Variants in HERC2 observed in about 807,000 individuals in gnomAD.
HERC2 encodes HECT and RLD domain containing E3 ubiquitin protein ligase 2.
HERC2 carries 102 observed loss-of-function variants against 537.7 expected under a neutral mutation model. That is an observed-to-expected ratio of 0.19 (90% confidence interval 0.16 to 0.22). The LOEUF (loss-of-function observed/expected upper bound fraction) is 0.22, where lower values mean the gene tolerates loss of function less well. Ranked by LOEUF, HERC2 falls within the 10% of genes least tolerant of loss-of-function variation. The pLI, the probability that HERC2 is intolerant of heterozygous loss-of-function variation, is 1.00. For synonymous variants in HERC2, 2,224 were observed against 2,466.2 expected, an observed-to-expected ratio of 0.90 and a Z score of 2.91; for missense variants, 4,236 against 6,198.2, an observed-to-expected ratio of 0.68 and a Z score of 10.63.
At chr15:28,189,588 T>C (rs1896638868) in intron 55 of HERC2, among the ~76,000 whole-genome samples, 1 of 152,216 alleles carries the variant, frequency 6.6e-6, no homozygotes, top group African/African-American at 2.4e-5. Context: ...TATTATGAAA[T>C]AGTTCCATGA....
At chr15:28,239,671 A>G (rs1902851298) in intron 23 of HERC2, among the ~76,000 whole-genome samples, 1 of 147,196 alleles carries the variant, frequency 6.8e-6, no homozygotes, top group Admixed American at 6.9e-5. Flanking sequence ...CACCGCCCCA[A>G]CGAGACTGAA....
rs976986017 is a variant in HERC2 at position 28,268,644 on chromosome 15, T to C, written c.1447-28A>G. 4.4e-6 allele frequency: 7 copies of C among 1,596,906 alleles called. No homozygotes were observed. The African/African-American group carries it at 5.4e-5, about 12-fold the overall frequency. On this transcript the variant is annotated intron_variant, in intron 11 of 92. Transcript: ENST00000261609. This position sits in a 1 kb window ranked among gnomAD's most constrained non-coding sequence, Gnocchi z 4.7. ...AAAGAAGGAAAAATACGAAGAAAAG[T>C]AGTCATCAGTCCAAGGAAAATGAAA...
chr15:28,311,084 A>AAC (rs2076931530), intron 2 of HERC2, among the ~76,000 whole-genome samples: 1 of 147,394 alleles, frequency 6.8e-6, no homozygotes, highest in Non-Finnish European at 1.5e-5. Flanking sequence ...CTCAAAAAAA[A>AAC]AAAAAAAAAA....
At chr15:28,238,320 G>T (rs1338967230) in intron 24 of HERC2, 103 bp from the exon 25 acceptor site, 3 of 937,878 alleles carry the variant, frequency 3.2e-6, no homozygotes, top group African/African-American at 1.6e-5. Context: ...TAACTCAAAA[G>T]TGAGGGTTAC....
rs533563728 is a variant in HERC2 at position 28,177,795 on chromosome 15, C to T, written c.9164-286G>A. Among the ~76,000 whole-genome samples the T allele has an allele frequency of 5.3e-5, 8 of 151,954 alleles. No homozygotes were observed. The East Asian group carries it at 9.6e-4, about 18-fold the overall frequency. ...TGGGGTTCCTATTATGTTAAATACA[C>T]GAAAAATCAAAATTTAGATGAAAAA... On this transcript the variant is annotated intron_variant, in intron 59 of 92. Transcript: ENST00000261609. The surrounding 1 kb of genome is among the most constrained non-coding windows in gnomAD (Gnocchi z 5.0).
In HERC2 at chr15:28,259,162, C is replaced by T. The variant is rs1343772213; in HGVS notation, c.2316+1615G>A. Among the ~76,000 whole-genome samples, 3 of 152,100 alleles carry T rather than the reference C, an allele frequency of 2.0e-5. No homozygotes were observed. In the South Asian group the frequency reaches 6.2e-4, roughly 32 times the overall value. On this transcript the variant is annotated intron_variant, in intron 16 of 92. Transcript: ENST00000261609. Reference sequence around the variant, plus strand: ...CAAGCTGGAGTGCAATGGCGCCATCCCGGCTCACTGCAATTTCTGCCTCCC... The same window carrying T: ...CAAGCTGGAGTGCAATGGCGCCATCTCGGCTCACTGCAATTTCTGCCTCCC...
chr15:28,309,375 G>C (rs1377102793), intron 2 of HERC2, among the ~76,000 whole-genome samples: 1 of 152,118 alleles, frequency 6.6e-6, no homozygotes, highest in South Asian at 2.1e-4. Context: ...ATTTATAATA[G>C]TTATAGCCTC....
chr15:28,291,786 T>C (rs1418680551), intron 4 of HERC2, among the ~76,000 whole-genome samples: 2 of 151,816 alleles, frequency 1.3e-5, no homozygotes, highest in African/African-American at 4.8e-5. Context: ...ACGCCTGTAG[T>C]CCCAGCTACT....
intron 4 of HERC2, among the ~76,000 whole-genome samples, chr15:28,289,862 G>A (rs1469155696): frequency 6.6e-6 from 1 of 152,146 alleles, no homozygotes; most frequent in Non-Finnish European, 1.5e-5. Context: ...ACACGCCGCA[G>A]TGAAAGGACG....
intron 78 of HERC2, among the ~76,000 whole-genome samples, chr15:28,139,463 G>T (rs1327902516): frequency 1.3e-5 from 2 of 152,230 alleles, no homozygotes; most frequent in East Asian, 3.8e-4. Context: ...AAAGTTCCAT[G>T]AGGGACTGAA....
intron 43 of HERC2, among the ~76,000 whole-genome samples, chr15:28,211,885 C>T (rs8024719): frequency 0.082 from 12,498 of 152,158 alleles, 1,746 homozygotes; most frequent in African/African-American, 0.29. Context: ...GCCATAGTTA[C>T]GGGTGAAGCC....
At chr15:28,246,184 A>T (rs1903694326) in intron 22 of HERC2, 118 bp from the exon 23 acceptor site, 1 of 653,234 alleles carries the variant, frequency 1.5e-6, no homozygotes, top group Admixed American at 3.2e-5. Flanking sequence ...GTCCTTTAGC[A>T]TATTTCTAAA....
At chr15:28,214,297 C>A (rs781501241) in intron 40 of HERC2, 25 bp from the exon 41 acceptor site, 2 of 1,590,510 alleles carry the variant, frequency 1.3e-6, no homozygotes, top group South Asian at 2.2e-5. Context: ...AGGGGAGAAG[C>A]TGCTGCACCG....
chr15:28,112,923 A>G, intron 92 of HERC2, 148 bp downstream of exon 92: 3 of 665,558 alleles, frequency 4.5e-6, no homozygotes, highest in Non-Finnish European at 7.6e-6. Flanking sequence ...GAGCCTTCAC[A>G]TCAGAGAAGT....
At chr15:28,206,968 A>G (rs906960057) in intron 44 of HERC2, among the ~76,000 whole-genome samples, 4 of 150,424 alleles carry the variant, frequency 2.7e-5, no homozygotes, top group South Asian at 2.1e-4. Flanking sequence ...CCAATATCAC[A>G]CCACCATACT....
chr15:28,276,741 A>T (rs984662329), intron 5 of HERC2, among the ~76,000 whole-genome samples: 2 of 151,048 alleles, frequency 1.3e-5, no homozygotes, highest in Non-Finnish European at 2.9e-5. Context: ...TGTCTCAAAA[A>T]AAAAACAAAA....
rs1374146174 is a variant in HERC2 at position 28,144,210 on chromosome 15, G to A, written c.11166C>T (p.Arg3722=). The change falls in exon 73 of 93, where the codon CGC becomes CGT. Residue 3722 remains arginine, a synonymous_variant. Coordinates refer to ENST00000261609, the MANE Select transcript of HERC2 (RefSeq NM_004667.6). ...AAGPKELLSD[R]CVLSCPSMDL... is the part of the protein sequence containing the mutation. ...CCATGGATGGACAGGAGAGGACGCA[G>A]CGGTCAGAGAGGAGTTCTTTAGGGC... is the stretch of plus-strand genomic sequence containing the variant. 4.3e-6 allele frequency: 7 copies of A among 1,614,026 alleles called. No individual in the cohort carries two copies. The highest frequency in any genetic ancestry group is 5.9e-6 in the Non-Finnish European group (7 of 1,180,048).
chr15:28,286,023 T>C (rs1468604541), intron 4 of HERC2, among the ~76,000 whole-genome samples: 3 of 151,878 alleles, frequency 2.0e-5, no homozygotes, highest in Non-Finnish European at 2.9e-5. Context: ...GAAAACTGAA[T>C]TCATAATTCA....
chr15:28,236,527 G>A (rs1207680866), intron 26 of HERC2, among the ~76,000 whole-genome samples: 1 of 151,874 alleles, frequency 6.6e-6, no homozygotes, highest in African/African-American at 2.4e-5. Context: ...CTGACCTCAG[G>A]TGATCCACCC....
Sources: allele counts gnomAD v4.1 joint callset (sites outside exome capture counted in the v4.1 genomes callset), GRCh38; gene constraint gnomAD v4.1.1; non-coding constraint Gnocchi (gnomAD v3.1); transcripts MANE v1.5; gene names NCBI Gene and HGNC (gene_info 2026-07-23, HGNC 2026-07-21).